The following POU6F2 variants were observed in gnomAD, a reference collection of about 807,000 sequenced individuals.
POU6F2 encodes POU class 6 homeobox 2.
POU6F2 carries 31 observed loss-of-function variants against 71.3 expected under a neutral mutation model. The ratio of observed to expected loss-of-function variants is 0.43; its 90% confidence interval spans 0.33 to 0.59. The LOEUF is 0.59. Ranked by LOEUF, POU6F2 falls within the 20% of genes least tolerant of loss-of-function variation. The pLI, the probability that POU6F2 is intolerant of heterozygous loss-of-function variation, is 0.04. For synonymous variants in POU6F2, 347 were observed against 355.7 expected, an observed-to-expected ratio of 0.98 and a Z score of 0.27; for missense variants, 783 against 856.8, an observed-to-expected ratio of 0.91 and a Z score of 1.07.
intron 2 of POU6F2, among the ~76,000 whole-genome samples, chr7:39,169,023 G>A (rs1793165890): frequency 6.6e-6 from 1 of 152,162 alleles, no homozygotes; most frequent in Non-Finnish European, 1.5e-5. Flanking sequence ...CCCTACCTCA[G>A]TACATTATTT....
intron 2 of POU6F2, among the ~76,000 whole-genome samples, chr7:39,164,552 C>A (rs960479855): frequency 2.0e-5 from 3 of 151,462 alleles, no homozygotes; most frequent in Non-Finnish European, 4.4e-5. Flanking sequence ...TGCTAAGTCA[C>A]AATTTGTGCT....
intron 4 of POU6F2, among the ~76,000 whole-genome samples, chr7:39,249,229 T>A (rs1194121055): frequency 1.3e-5 from 2 of 152,226 alleles, no homozygotes; most frequent in Non-Finnish European, 2.9e-5. Context: ...TCAGAATGAA[T>A]TAATTTTAAG....
At chr7:39,015,330 A>G (rs1467416022) in intron 1 of POU6F2, among the ~76,000 whole-genome samples, 1 of 135,754 alleles carries the variant, frequency 7.4e-6, no homozygotes, top group Non-Finnish European at 1.5e-5. Flanking sequence ...GATATAATAT[A>G]TATTATAATA....
chr7:39,418,957 A>ATATGTG (rs1787754551), intron 6 of POU6F2, among the ~76,000 whole-genome samples: 1 of 77,314 alleles, frequency 1.3e-5, no homozygotes, highest in Non-Finnish European at 2.4e-5. Flanking sequence ...GTATATATGT[A>ATATGTG]TATATATGTG....
At chr7:39,338,797 A>G (rs141402561) in intron 4 of POU6F2, among the ~76,000 whole-genome samples, 152 of 152,350 alleles carry the variant, frequency 1.0e-3, no homozygotes, top group African/African-American at 3.6e-3. Context: ...GTTCAGTGCT[A>G]CATGGGCATG....
chr7:39,310,399 T>A (rs1376958013), intron 4 of POU6F2, among the ~76,000 whole-genome samples: 14 of 152,194 alleles, frequency 9.2e-5, no homozygotes. Context: ...AGTTTTCATT[T>A]TACGAGACTC....
intron 4 of POU6F2, among the ~76,000 whole-genome samples, chr7:39,258,712 A>AAG (rs1554336016): frequency 3.3e-5 from 5 of 151,716 alleles, no homozygotes; most frequent in Admixed American, 2.0e-4. Context: ...AAAAAAAAAA[A>AAG]AAGAAGAAGA....
At chr7:39,440,390 C>G (rs1249711736) in intron 7 of POU6F2, among the ~76,000 whole-genome samples, 1 of 152,064 alleles carries the variant, frequency 6.6e-6, no homozygotes, top group Non-Finnish European at 1.5e-5. Flanking sequence ...CCTTTTCTTT[C>G]TTTTTTTCTC....
rs899885924 is a variant in POU6F2, at chr7:39,150,449, T to C, written c.278-53786T>C. ...CCTCCACACTGTTTTGTATAACAGC[T>C]GTACCAAGCTACATTTTTTTTTTTT... On this transcript the variant is annotated intron_variant, in intron 2 of 9. Coordinates refer to ENST00000518318, the MANE Select transcript of POU6F2 (RefSeq NM_001370959.1). 2.0e-5 allele frequency among the ~76,000 whole-genome samples: 3 copies of C among 150,482 alleles called. No individual in the cohort carries two copies. The Admixed American group carries it at 2.0e-4, about 10-fold the overall frequency.
intron 1 of POU6F2, among the ~76,000 whole-genome samples, chr7:39,005,484 C>CTCTGTGTGTGTGTGTGTGTGTGTG (rs373403349): frequency 7.9e-6 from 1 of 126,610 alleles, no homozygotes; most frequent in African/African-American, 2.7e-5. Flanking sequence ...AGGGAGAAAC[C>CTCTGTGTGTGTGTGTGTGTGTGTG]TGTGTGTGTG....
At chr7:39,061,761 T>A (rs1429667798) in intron 1 of POU6F2, among the ~76,000 whole-genome samples, 1 of 152,194 alleles carries the variant, frequency 6.6e-6, no homozygotes, top group Admixed American at 6.5e-5. Flanking sequence ...AACAAATACT[T>A]TTAGTTGTTT....
At chr7:39,039,357 C>T (rs1484926526) in intron 1 of POU6F2, among the ~76,000 whole-genome samples, 1 of 151,942 alleles carries the variant, frequency 6.6e-6, no homozygotes, top group African/African-American at 2.4e-5. Context: ...GCTTATTAGT[C>T]AATTTCCATT....
chr7:39,437,079 T>C (rs562147966), intron 7 of POU6F2, among the ~76,000 whole-genome samples: 1 of 152,332 alleles, frequency 6.6e-6, no homozygotes, highest in African/African-American at 2.4e-5. Flanking sequence ...GGCCTGAAGT[T>C]TTCTTTTTGT....
chr7:39,015,976 T>C (rs1391597035), intron 1 of POU6F2, among the ~76,000 whole-genome samples: 1 of 37,562 alleles, frequency 2.7e-5, no homozygotes, highest in African/African-American at 1.4e-4. Flanking sequence ...ATATATATTA[T>C]ATATAGATAT....
rs1583599219 is a variant in POU6F2 at position 39,433,219 on chromosome 7, A to G, written c.1256A>G (p.Asn419Ser). ...CAGATCATCGCCACAGTCATTGGGA[A>G]CCAGATCCTGCCCGTGATCAACACC... Reference protein sequence around the residue: ...QGQIIATVIGNQILPVINTQG... With the variant: ...QGQIIATVIGSQILPVINTQG... Residue 419 changes from asparagine (N) to serine (S), a missense_variant, in exon 7 of 10, where the codon AAC becomes AGC. Around this residue, in one of 2 missense-constraint regions of POU6F2, gnomAD observed 572 missense variants for 572.9 expected, o/e 1.00. Coordinates refer to ENST00000518318, the MANE Select transcript of POU6F2 (RefSeq NM_001370959.1). 5 of 1,613,726 alleles carry G rather than the reference A, an allele frequency of 3.1e-6. No individual in the cohort carries two copies. Among genetic ancestry groups the G allele is most frequent in the Non-Finnish European group, 3.4e-6 (4 of 1,179,806 alleles).
At chr7:39,398,284 A>G (rs1041883203) in intron 5 of POU6F2, among the ~76,000 whole-genome samples, 40 of 152,158 alleles carry the variant, frequency 2.6e-4, no homozygotes, top group Non-Finnish European at 2.9e-5. Context: ...GTAAGTGAAT[A>G]ATATAATATC....
chr7:39,360,976 A>G (rs1583550280), intron 5 of POU6F2, among the ~76,000 whole-genome samples: 1 of 152,122 alleles, frequency 6.6e-6, no homozygotes, highest in Non-Finnish European at 1.5e-5. Flanking sequence ...CCAACCTCCT[A>G]TCTCATCCTA....
chr7:39,160,261 AG>A (rs1323532718), intron 2 of POU6F2, among the ~76,000 whole-genome samples: 1 of 152,228 alleles, frequency 6.6e-6, no homozygotes, highest in Non-Finnish European at 1.5e-5. Context: ...AGGAAGACTG[AG>A]AACAGCCAAA....
intron 4 of POU6F2, among the ~76,000 whole-genome samples, chr7:39,218,146 G>T (rs760546894): frequency 6.6e-6 from 1 of 152,100 alleles, no homozygotes; most frequent in Non-Finnish European, 1.5e-5. Context: ...AGCCATCCGA[G>T]TTGGCAAAAG....
Sources: gnomAD v4.1 joint callset for allele counts (sites outside exome capture counted in the v4.1 genomes callset) on GRCh38, gnomAD v4.1.1 for gene constraint, gnomAD v4.1.1 regional missense constraint, MANE v1.5 for transcripts, NCBI Gene and HGNC (gene_info 2026-07-23, HGNC 2026-07-21) for gene names.